Variants in ARB2A observed in about 807,000 individuals in gnomAD.
The protein encoded by ARB2A is ARB2 cotranscriptional regulator A, also known as cotranscriptional regulator ARB2A.
chr5:93,913,785 A>C, the ARB2A span, among the ~76,000 whole-genome samples: 1 of 152,022 alleles, frequency 6.6e-6, no homozygotes, highest in Non-Finnish European at 1.5e-5. Flanking sequence ...TGCTGGTCCA[A>C]TATAAACTTC....
At chr5:93,785,570 G>C in the ARB2A span, among the ~76,000 whole-genome samples, 1 of 152,078 alleles carries the variant, frequency 6.6e-6, no homozygotes, top group Non-Finnish European at 1.5e-5. Context: ...GCCTGTTGGC[G>C]TTCTGAATTT....
the ARB2A span, chr5:94,074,823 C>G: frequency 1.1e-4 from 128 of 1,209,520 alleles, 1 homozygote; most frequent in South Asian, 1.6e-3. Flanking sequence ...ATCTATTCCA[C>G]GAGAACTTCC....
At chr5:93,844,420 G>C in the ARB2A span, among the ~76,000 whole-genome samples, 3 of 151,852 alleles carry the variant, frequency 2.0e-5, no homozygotes, top group African/African-American at 7.3e-5. Flanking sequence ...CTCCAGCCTG[G>C]GGTAGAGTGA....
At chr5:93,871,666 T>C in the ARB2A span, among the ~76,000 whole-genome samples, 1 of 152,196 alleles carries the variant, frequency 6.6e-6, no homozygotes, top group African/African-American at 2.4e-5. Context: ...AATGCCATAT[T>C]TTTCATTGTG....
the ARB2A span, among the ~76,000 whole-genome samples, chr5:93,991,101 C>A: frequency 6.6e-6 from 1 of 152,080 alleles, no homozygotes; most frequent in African/African-American, 2.4e-5. Context: ...AAGAGAACTA[C>A]TGGAGAAAAC....
At chr5:94,042,400 G>T in the ARB2A span, among the ~76,000 whole-genome samples, 1 of 149,682 alleles carries the variant, frequency 6.7e-6, no homozygotes, top group African/African-American at 2.5e-5. Flanking sequence ...CTGCCTCCCG[G>T]GCTCATGCCA....
chr5:93,962,259 G>A, the ARB2A span, among the ~76,000 whole-genome samples: 1 of 152,090 alleles, frequency 6.6e-6, no homozygotes, highest in African/African-American at 2.4e-5. Flanking sequence ...TGGAATACTC[G>A]TGAACACCAT....
At chr5:93,629,158 A>G in the ARB2A span, among the ~76,000 whole-genome samples, 2 of 152,182 alleles carry the variant, frequency 1.3e-5, no homozygotes, top group Non-Finnish European at 1.5e-5. Context: ...AGGAATAGGG[A>G]GGCCTGAGGA....
the ARB2A span, among the ~76,000 whole-genome samples, chr5:93,764,459 T>G: frequency 6.6e-6 from 1 of 152,248 alleles, no homozygotes; most frequent in South Asian, 2.1e-4. Flanking sequence ...AAGAAATGGA[T>G]AAATTCTTTG....
chr5:94,011,762 G>A, the ARB2A span, among the ~76,000 whole-genome samples: 33 of 151,704 alleles, frequency 2.2e-4, 1 homozygote, highest in African/African-American at 6.5e-4. Context: ...AAGTGAAGAC[G>A]TCTAGTCCAG....
At chr5:94,038,969 T>C in the ARB2A span, among the ~76,000 whole-genome samples, 296 of 152,282 alleles carry the variant, frequency 1.9e-3, no homozygotes, top group Admixed American at 3.7e-3. Context: ...TACTCTCCTA[T>C]GATGATCAAT....
At chr5:93,794,587 GATT>G in the ARB2A span, among the ~76,000 whole-genome samples, 1 of 152,130 alleles carries the variant, frequency 6.6e-6, no homozygotes, top group African/African-American at 2.4e-5. Flanking sequence ...CTGCCATTCA[GATT>G]CTTTTGTCCC....
the ARB2A span, among the ~76,000 whole-genome samples, chr5:93,912,847 A>C: frequency 6.6e-6 from 1 of 151,836 alleles, no homozygotes; most frequent in African/African-American, 2.4e-5. Flanking sequence ...TTCCAAAGGT[A>C]ATCTGCCACA....
At chr5:93,733,995 A>G in the ARB2A span, 1 of 152,240 alleles carries the variant, frequency 6.6e-6, no homozygotes, top group African/African-American at 2.4e-5. Flanking sequence ...CAGACTTGGT[A>G]TAATAAACAA....
chr5:93,969,617 G>A, the ARB2A span, among the ~76,000 whole-genome samples: 3 of 152,056 alleles, frequency 2.0e-5, no homozygotes, highest in African/African-American at 7.2e-5. Context: ...AAGGAGAGCA[G>A]GGGTGATCAA....
chr5:93,892,594 G>GA, the ARB2A span, among the ~76,000 whole-genome samples: 3 of 152,086 alleles, frequency 2.0e-5, no homozygotes, highest in Admixed American at 6.5e-5. Context: ...CTGGGGGGGG[G>GA]AAAACCACAC....
the ARB2A span, among the ~76,000 whole-genome samples, chr5:94,040,567 T>C: frequency 7.1e-6 from 1 of 141,694 alleles, no homozygotes; most frequent in Non-Finnish European, 1.5e-5. Flanking sequence ...CGTGTTCTCA[T>C]TGTTCAATTC....
the ARB2A span, among the ~76,000 whole-genome samples, chr5:93,775,449 G>A: frequency 6.6e-6 from 1 of 152,142 alleles, no homozygotes; most frequent in Non-Finnish European, 1.5e-5. Context: ...AAACCAGAAA[G>A]CTAACAAATG....
chr5:93,697,152 C>T, the ARB2A span, among the ~76,000 whole-genome samples: 4 of 150,968 alleles, frequency 2.6e-5, no homozygotes, highest in Admixed American at 6.6e-5. Flanking sequence ...TCCCTATTAG[C>T]AAGTTTATTT....
Sources: allele counts gnomAD v4.1 joint callset (sites outside exome capture counted in the v4.1 genomes callset), GRCh38; gene constraint gnomAD v4.1.1; transcripts MANE v1.5; gene names NCBI Gene and HGNC (gene_info 2026-07-23, HGNC 2026-07-21).